Variants in DKK3 observed in about 807,000 individuals in gnomAD.
The protein encoded by DKK3 is dickkopf Wnt signaling pathway inhibitor 3.
Under a neutral mutation model 33.2 loss-of-function variants are expected in DKK3, and 22 were observed. The ratio of observed to expected loss-of-function variants is 0.66; its 90% CI spans 0.47 to 0.95. The LOEUF (loss-of-function observed/expected upper bound fraction) is 0.95, where lower values mean the gene tolerates loss of function less well. Ranked by LOEUF, DKK3 falls within the 40% of genes least tolerant of loss-of-function variation. The pLI is 0.00. For synonymous variants in DKK3, 194 were observed against 188.8 expected (o/e 1.03, Z -0.23); for missense variants, 398 against 458.4 (o/e 0.87, Z 1.20).
intron 1 of DKK3, among the ~76,000 whole-genome samples, chr11:12,007,185 CA>C (rs1184334906): frequency 2.0e-5 from 3 of 152,118 alleles, no homozygotes; most frequent in Non-Finnish European, 4.4e-5. Context: ...CCCCAAACTA[CA>C]AAGGGCTGCG....
intron 3 of DKK3, among the ~76,000 whole-genome samples, chr11:11,987,722 T>C (rs1848100767): frequency 6.6e-6 from 1 of 152,254 alleles, no homozygotes; most frequent in Admixed American, 6.5e-5. Context: ...AGTGATATAC[T>C]GTTTTACTTT....
intron 3 of DKK3, among the ~76,000 whole-genome samples, chr11:11,987,084 C>T (rs1385779677): frequency 1.3e-5 from 2 of 152,196 alleles, no homozygotes; most frequent in Non-Finnish European, 2.9e-5. Flanking sequence ...AACCCCTATC[C>T]ATGTCCAGCA....
intron 3 of DKK3, among the ~76,000 whole-genome samples, chr11:11,982,381 G>A (rs1445262002): frequency 6.6e-6 from 1 of 152,106 alleles, no homozygotes; most frequent in Non-Finnish European, 1.5e-5. Context: ...GCTTCCCCGT[G>A]GCGCTGTCTG....
At chr11:11,982,585 G>A (rs12290406) in intron 3 of DKK3, among the ~76,000 whole-genome samples, 12,436 of 152,232 alleles carry the variant, frequency 0.082, 1,579 homozygotes, top group African/African-American at 0.27. Flanking sequence ...ACCTCTCAGA[G>A]CTGACATCTG....
At chr11:12,009,551 G>A (rs1848615731), upstream of DKK3, 1 of 978,838 alleles carries the variant, frequency 1.0e-6, no homozygotes, top group Non-Finnish European at 1.2e-6. Context: ...CCCTGCGCCC[G>A]CGGCATCCCA....
chr11:11,974,949 C>T (rs1186035004), intron 3 of DKK3, among the ~76,000 whole-genome samples: 1 of 152,016 alleles, frequency 6.6e-6, no homozygotes, highest in Non-Finnish European at 1.5e-5. Context: ...AGTAGATGAA[C>T]CACTGGTCAT....
At chr11:11,988,954 G>A (rs1848130522) in intron 3 of DKK3, among the ~76,000 whole-genome samples, 1 of 152,188 alleles carries the variant, frequency 6.6e-6, no homozygotes, top group Admixed American at 6.5e-5. Flanking sequence ...CAGAGTTGGG[G>A]AACGCACTGC....
At chr11:11,974,939 A>G (rs73417314) in intron 3 of DKK3, among the ~76,000 whole-genome samples, 3,881 of 152,252 alleles carry the variant, frequency 0.025, 143 homozygotes, top group African/African-American at 0.089. Context: ...CGAACTGACC[A>G]GTAGATGAAC....
At chr11:11,967,285 G>C (rs1847620970) in intron 4 of DKK3, among the ~76,000 whole-genome samples, 187 bp from the exon 5 acceptor site, 1 of 152,184 alleles carries the variant, frequency 6.6e-6, no homozygotes, top group South Asian at 2.1e-4. Context: ...AGACATGGGG[G>C]TCAGAACGCT....
intron 3 of DKK3, among the ~76,000 whole-genome samples, chr11:11,984,300 T>TGGATA (rs1463569058): frequency 1.3e-5 from 2 of 152,220 alleles, no homozygotes; most frequent in Non-Finnish European, 2.9e-5. Flanking sequence ...ATGAACACAC[T>TGGATA]GGATAGCAAG....
intron 3 of DKK3, chr11:11,998,432 C>T (rs916979204): frequency 5.3e-6 from 3 of 561,848 alleles, no homozygotes; most frequent in East Asian, 6.1e-5. Context: ...GCTTGTACCC[C>T]TTTCAAAGCT....
At chr11:12,009,598 C>T, upstream of DKK3, 4 of 986,030 alleles carry the variant, frequency 4.1e-6, no homozygotes, top group Non-Finnish European at 4.8e-6. Flanking sequence ...TGCAACAGCC[C>T]ACCGAGGTTG....
intron 3 of DKK3, among the ~76,000 whole-genome samples, chr11:11,982,065 G>A (rs991910500): frequency 7.2e-5 from 11 of 152,172 alleles, no homozygotes; most frequent in African/African-American, 2.4e-4. Flanking sequence ...CCCCGGTGAT[G>A]CTGGAAGTCC....
intron 3 of DKK3, among the ~76,000 whole-genome samples, chr11:11,976,857 G>C (rs1013424742): frequency 6.6e-6 from 1 of 152,220 alleles, no homozygotes; most frequent in African/African-American, 2.4e-5. Context: ...AACCAGGCCA[G>C]TCGCAGGAGC....
chr11:12,001,727 T>G (rs1830441482), intron 2 of DKK3: 1 of 152,320 alleles, frequency 6.6e-6, no homozygotes, highest in Admixed American at 6.5e-5. Context: ...TCATGCATGA[T>G]GTTAGACCAA....
intron 3 of DKK3, 58 bp from the exon 4 acceptor site, chr11:11,968,545 G>T: frequency 6.5e-7 from 1 of 1,546,616 alleles, no homozygotes; most frequent in Non-Finnish European, 8.8e-7. Flanking sequence ...CAGGCCCACA[G>T]TGCCCAGGAA....
intron 6 of DKK3, among the ~76,000 whole-genome samples, chr11:11,964,916 G>A (rs1006257342): frequency 4.6e-5 from 7 of 152,174 alleles, no homozygotes; most frequent in Non-Finnish European, 7.4e-5. Context: ...CTCCTCCAGC[G>A]CAGGCCTGAC....
At position 11,964,476 on chromosome 11, in the gene DKK3, C is replaced by A; in HGVS notation, c.1041G>T (p.Gly347=). The A allele has an allele frequency of 6.2e-7, 1 of 1,611,952 alleles. No homozygotes were observed. The highest frequency in any genetic ancestry group is 8.5e-7 in the Non-Finnish European group (1 of 1,179,968). ...PAAAAAALLG[G]EEI ...GCCTGGTCCAGATCTAAATCTCTTC[C>A]CCTCCCAGCAGTGCAGCGGCGGCAG... Residue 347 remains glycine (G), a synonymous_variant, in exon 7 of 7, where the codon GGG becomes GGT. Transcript: ENST00000683431.
At chr11:12,007,865 T>C (rs1848570262) in intron 1 of DKK3, among the ~76,000 whole-genome samples, 1 of 152,144 alleles carries the variant, frequency 6.6e-6, no homozygotes, top group Non-Finnish European at 1.5e-5. Flanking sequence ...TGCCCCCACA[T>C]TGCGTGAGAA....
Sources: allele counts gnomAD v4.1 joint callset (sites outside exome capture counted in the v4.1 genomes callset), GRCh38; gene constraint gnomAD v4.1.1; transcripts MANE v1.5; gene names NCBI Gene and HGNC (gene_info 2026-07-23, HGNC 2026-07-21).